Variants in ACSL5 observed in about 807,000 individuals in gnomAD.
The protein encoded by ACSL5 is long-chain-fatty-acid--CoA ligase 5.
A neutral mutation model predicts 84.9 loss-of-function variants in ACSL5; 50 were observed. The observed-to-expected ratio is 0.59, with a 90% confidence interval of 0.47 to 0.75. The LOEUF (loss-of-function observed/expected upper bound fraction) is 0.75. Among genes scored for constraint, ACSL5 ranks in the 30% least tolerant of loss-of-function variants. ACSL5 has a pLI of 0.00. For missense variants in ACSL5, 775 were observed against 830.4 expected (o/e 0.93, Z 0.82); for synonymous variants, 280 against 300.7 (o/e 0.93, Z 0.71).
Position 112,425,454 on chromosome 10 carries a change from A to G in ACSL5, c.1710A>G (p.Gln570=), listed in dbSNP as rs746118733. ...ACAACAGGAGTCAACCAGTGTTACA[A>G]ATTTTTGTACACGGGGAGAGCTTAC... ...NIYNRSQPVL[Q]IFVHGESLRS... Residue 570 remains glutamine (Q), a synonymous_variant, in exon 18 of 21, where the codon CAA becomes CAG. Coordinates refer to ENST00000354655, the MANE Select transcript of ACSL5 (RefSeq NM_203379.2). 1 of 1,613,218 alleles carries G rather than the reference A, an allele frequency of 6.2e-7. No homozygotes were observed. The highest frequency in any genetic ancestry group is 1.1e-5 in the South Asian group (1 of 90,898).
chr10:112,413,122 CA>C, intron 11 of ACSL5, 50 bp from the exon 12 acceptor site: 1 of 1,602,244 alleles, frequency 6.2e-7, no homozygotes, highest in South Asian at 1.1e-5. Flanking sequence ...GACAGGTCCC[CA>C]CTAAAGGGGT....
In ACSL5 at chr10:112,425,625, C is replaced by T. The variant is rs979477082; in HGVS notation, c.1737+144C>T. On this transcript the variant is annotated intron_variant, in intron 18 of 20. Coordinates refer to ENST00000354655, the MANE Select transcript of ACSL5 (RefSeq NM_203379.2). Reference sequence around the variant, plus strand: ...AAAAAAAAAAAAATGAAGTTACATTCCAAACCTCAAATAAGGCAATTTCAA... The same window carrying T: ...AAAAAAAAAAAAATGAAGTTACATTTCAAACCTCAAATAAGGCAATTTCAA... 13 of 757,416 alleles carry T rather than the reference C, an allele frequency of 1.7e-5. No individual in the cohort carries two copies. In the African/African-American group the frequency reaches 2.2e-4, roughly 13 times the overall value. 46.9% of individuals were successfully genotyped at this position (757,416 alleles called of 1,614,324 possible). A position where few individuals can be genotyped will look rare whatever the true frequency, so the allele number is the denominator to read the frequency against.
intron 1 of ACSL5, chr10:112,376,193 A>G: frequency 7.0e-7 from 1 of 1,425,222 alleles, no homozygotes; most frequent in East Asian, 2.3e-5. Flanking sequence ...TGTGAAAAAA[A>G]AAATTAAAAC....
Position 112,417,949 on chromosome 10 carries a change from AAGCACCTTC to A in ACSL5, c.1314+9_1314+17del, listed in dbSNP as rs1404634659. 1 of 1,590,858 alleles carries A rather than the reference AAGCACCTTC, an allele frequency of 6.3e-7. No homozygotes were observed. Among genetic ancestry groups the A allele is most frequent in the African/African-American group, 1.4e-5 (1 of 73,796 alleles). On this transcript the variant is annotated intron_variant, in intron 14 of 20. Coordinates refer to ENST00000354655, the MANE Select transcript of ACSL5 (RefSeq NM_203379.2). ...GCAGCAATGGGATGTCAGGTAAGCC[AAGCACCTTC>A]TTTGAGAATAGGCTATTTTACTTTT...
rs1037836909 is a variant in ACSL5, at chr10:112,394,603, C to T, written c.-29-315C>T. The T allele has an allele frequency of 1.8e-5, 8 of 439,324 alleles. No homozygotes were observed. In the East Asian group the frequency reaches 9.5e-4, roughly 52 times the overall value. The allele number at this position is 439,324 out of a possible 1,614,324, so 27.2% of individuals were successfully genotyped here. A position where few individuals can be genotyped will look rare whatever the true frequency, so the allele number is the denominator to read the frequency against. On this transcript the variant is annotated intron_variant, in intron 1 of 20. Coordinates refer to ENST00000354655, the MANE Select transcript of ACSL5 (RefSeq NM_203379.2). ...GCTGCCTTCTTCCAGGCTTTGTGCA[C>T]CAACATTAAAAAGGCAGTCATTTCT...
At chr10:112,390,018 C>G (rs566760181) in intron 1 of ACSL5, among the ~76,000 whole-genome samples, 1 of 151,964 alleles carries the variant, frequency 6.6e-6, no homozygotes, top group African/African-American at 2.4e-5. Context: ...CACTTGAGCC[C>G]AGCAGTTCAG....
rs759242841 is a variant in ACSL5 at position 112,394,989 on chromosome 10, C to G, written c.43C>G (p.Pro15Ala). ...FNFLFSPLPT[P>A]ALICILTFGA... ...CTTTTTGTTTTCCCCACTTCCGACC[C>G]CGGCGTTGATCTGCATCCTGACATT... Residue 15 changes from proline to alanine, a missense_variant, in exon 2 of 21, where the codon CCG (proline) becomes GCG (alanine). By Grantham distance (27) the Pro-to-Ala change is conservative (BLOSUM62 -1). Coordinates refer to ENST00000354655, the MANE Select transcript of ACSL5 (RefSeq NM_203379.2). 1 of 1,613,950 alleles carries G rather than the reference C, an allele frequency of 6.2e-7. No homozygotes were observed. The highest frequency in any genetic ancestry group is 8.5e-7 in the Non-Finnish European group (1 of 1,180,010).
intron 14 of ACSL5, among the ~76,000 whole-genome samples, chr10:112,421,242 T>C (rs1027333163): frequency 1.3e-4 from 20 of 152,216 alleles, no homozygotes; most frequent in African/African-American, 3.9e-4. Context: ...CACTGCAACC[T>C]CTGCCTCCCA....
chr10:112,427,394 A>G lies in ACSL5; in HGVS notation c.*36A>G, dbSNP rs771847301. The G allele has an allele frequency of 6.5e-7, 1 of 1,542,034 alleles. No homozygotes were observed. The stretch of plus-strand genomic sequence containing the variant: ...TTAAGTACCTGCCGGCCCACTGTGC[A>G]CTGCTTGTGAGAAAATGGATTAAAA... On this transcript the variant is annotated 3_prime_UTR_variant, in exon 21 of 21. Transcript: ENST00000354655.
Position 112,384,813 on chromosome 10 carries a change from G to A in ACSL5, c.-29-10105G>A, listed in dbSNP as rs144074742. 1.1e-3 allele frequency among the ~76,000 whole-genome samples: 172 copies of A among 152,238 alleles called. 5 individuals are homozygous for A. In the East Asian group the frequency reaches 0.029, roughly 26 times the overall value. On this transcript the variant is annotated intron_variant, in intron 1 of 20. Coordinates refer to ENST00000354655, the MANE Select transcript of ACSL5 (RefSeq NM_203379.2). ...ATTATAGGTGTGAGACACTGCACCC[G>A]ACCTCCATCTCTCTTTTTCTATGAG...
intron 16 of ACSL5, 28 bp from the exon 17 acceptor site, chr10:112,422,297 G>T (rs758378914): frequency 1.9e-6 from 3 of 1,595,490 alleles, no homozygotes; most frequent in South Asian, 2.2e-5. Flanking sequence ...CTTTGCTATT[G>T]TCACCGCCTT....
At chr10:112,397,705 C>T (rs1300145079) in intron 2 of ACSL5, among the ~76,000 whole-genome samples, 2 of 152,208 alleles carry the variant, frequency 1.3e-5, no homozygotes, top group Non-Finnish European at 2.9e-5. Flanking sequence ...CTGGTTGCTT[C>T]ATCCCCACCA....
intron 12 of ACSL5, among the ~76,000 whole-genome samples, chr10:112,413,718 C>G (rs1041377649): frequency 6.6e-6 from 1 of 151,752 alleles, no homozygotes; most frequent in Non-Finnish European, 1.5e-5. Flanking sequence ...GAGCAAGACT[C>G]CATCTCAAAA....
chr10:112,426,510 A>G, intron 19 of ACSL5, 151 bp downstream of exon 19: 1 of 649,198 alleles, frequency 1.5e-6, no homozygotes, highest in South Asian at 2.0e-5. Context: ...GAGAGTTTAA[A>G]AAATAAAACT....
intron 4 of ACSL5, 22 bp from the exon 5 acceptor site, chr10:112,404,683 A>T (rs200125859): frequency 1.2e-6 from 2 of 1,605,640 alleles, no homozygotes; most frequent in Non-Finnish European, 1.7e-6. Flanking sequence ...TCTCTCTCTC[A>T]CCCCATCTCT....
rs757005492 is a variant in ACSL5, at chr10:112,427,247, A to G, written c.1941A>G (p.Pro647=). The G allele has an allele frequency of 6.2e-7, 1 of 1,613,330 alleles. No homozygotes were observed. The highest frequency in any genetic ancestry group is 1.3e-5 in the African/African-American group (1 of 74,818). The change falls in exon 21 of 21, where the codon CCA becomes CCG. Residue 647 remains proline, a synonymous_variant. Coordinates refer to ENST00000354655, the MANE Select transcript of ACSL5 (RefSeq NM_203379.2). The part of the protein sequence containing the change: ...QVKAIFLHPE[P]FSIENGLLTP... ...AAGCCATTTTTCTTCATCCAGAGCCATTTTCCATTGAAAATGGGCTCTTGA... is the reference window on the plus strand; with the variant it reads ...AAGCCATTTTTCTTCATCCAGAGCCGTTTTCCATTGAAAATGGGCTCTTGA...
Position 112,426,420 on chromosome 10 carries a change from C to A in ACSL5, c.1839+61C>A, listed in dbSNP as rs149270456. 1.3e-3 allele frequency: 1,804 copies of A among 1,397,756 alleles called. 24 individuals carry two copies. In the African/African-American group the frequency reaches 0.023, roughly 18 times the overall value. 86.6% of individuals were successfully genotyped at this position (1,397,756 alleles called of 1,614,324 possible). A position where few individuals can be genotyped will look rare whatever the true frequency, so the allele number is the denominator to read the frequency against. On this transcript the variant is annotated intron_variant, in intron 19 of 20. Coordinates refer to ENST00000354655, the MANE Select transcript of ACSL5 (RefSeq NM_203379.2). Reference sequence around the variant, plus strand: ...TGGGCCCATCGTGGAGGAGAGGATGCCTCACCAGTTCCTGCATCTGTCACA... The same window carrying A: ...TGGGCCCATCGTGGAGGAGAGGATGACTCACCAGTTCCTGCATCTGTCACA...
chr10:112,411,627 T>TACACAC (rs3831106), intron 10 of ACSL5, 98 bp downstream of exon 10: 78 of 821,420 alleles, frequency 9.5e-5, no homozygotes, highest in Middle Eastern at 6.3e-4. Flanking sequence ...CACACACACA[T>TACACAC]ACACACACAC....
chr10:112,401,270 T>C (rs539534077), intron 3 of ACSL5, among the ~76,000 whole-genome samples: 2 of 152,342 alleles, frequency 1.3e-5, no homozygotes, highest in East Asian at 3.9e-4. Flanking sequence ...GTTGCATACA[T>C]TAGCCTTAGC....
Sources: allele counts gnomAD v4.1 joint callset (sites outside exome capture counted in the v4.1 genomes callset), GRCh38; gene constraint gnomAD v4.1.1; transcripts MANE v1.5; gene names NCBI Gene and HGNC (gene_info 2026-07-23, HGNC 2026-07-21).